Variants in PPP2R3A observed in about 807,000 individuals in gnomAD.
PPP2R3A encodes the protein protein phosphatase 2 regulatory subunit B''alpha, also known as serine/threonine-protein phosphatase 2A regulatory subunit B'' subunit alpha.
Under a neutral mutation model 106.9 loss-of-function variants are expected in PPP2R3A, and 80 were observed. The ratio of observed to expected loss-of-function variants is 0.75; its 90% CI spans 0.62 to 0.90. The LOEUF (loss-of-function observed/expected upper bound fraction) is 0.90, where lower values mean the gene tolerates loss of function less well. Ranked by LOEUF, PPP2R3A falls within the 40% of genes least tolerant of loss-of-function variation. PPP2R3A has a pLI of 0.00. For missense variants in PPP2R3A, 1,386 were observed against 1,350.4 expected (o/e 1.03, Z -0.41); for synonymous variants, 483 against 468.3 (o/e 1.03, Z -0.41).
At position 136,030,501 on chromosome 3, in the gene PPP2R3A, C is replaced by T. The variant is rs572746331; in HGVS notation, c.2262+3403C>T. Among the ~76,000 whole-genome samples, 104 of 151,930 alleles carry T rather than the reference C, an allele frequency of 6.8e-4. No homozygotes were observed. The South Asian group carries it at 0.021, about 31-fold the overall frequency. ...TGTGAGATTTTGGTGCATCCGTCAC[C>T]CAGGCAGTATACACTGCACCCTATT... On this transcript the variant is annotated intron_variant, in intron 3 of 13. Transcript: ENST00000264977.
rs1399185002 is a variant in PPP2R3A at position 136,049,329 on chromosome 3, C to G, written c.2437C>G (p.Leu813Val). 1.2e-6 allele frequency: 2 copies of G among 1,613,338 alleles called. No homozygotes were observed. The highest frequency in any genetic ancestry group is 1.7e-6 in the Non-Finnish European group (2 of 1,179,610). Residue 813 changes from leucine to valine, a missense_variant, in exon 5 of 14, where the codon CTA (leucine) becomes GTA (valine). Coordinates refer to ENST00000264977, the MANE Select transcript of PPP2R3A (RefSeq NM_002718.5). Reference protein sequence around the residue: ...CLLAKPNCSSLEQEDFIPLLQ... With the variant: ...CLLAKPNCSSVEQEDFIPLLQ... Reference sequence around the variant, plus strand: ...TCTAGCAAAGCCCAACTGCAGCTCTCTAGAACAGGAGGATTTCATCCCTCT... The same window carrying G: ...TCTAGCAAAGCCCAACTGCAGCTCTGTAGAACAGGAGGATTTCATCCCTCT...
At chr3:136,026,761 G>T in intron 2 of PPP2R3A, 71 bp from the exon 3 acceptor site, 1 of 1,401,434 alleles carries the variant, frequency 7.1e-7, no homozygotes, top group South Asian at 1.4e-5. Flanking sequence ...TTCTTATATT[G>T]CTGGTGAGAA....
chr3:135,965,927 G>T, intron 1 of PPP2R3A, 78 bp downstream of exon 1: 1 of 153,568 alleles, frequency 6.5e-6, no homozygotes, highest in South Asian at 1.8e-4. Flanking sequence ...GCGAGGCTCG[G>T]GGCGGCGCGC....
In PPP2R3A at chr3:136,001,592, A is replaced by G; in HGVS notation, c.94A>G (p.Thr32Ala). ...RRFEQAIHYC[T>A]GTCHTFTHGI... ...TTTTGAACAAGCTATACATTATTGC[A>G]CTGGAACCTGCCACACCTTCACACA... Residue 32 changes from threonine to alanine, a missense_variant, in exon 2 of 14, where the codon ACT becomes GCT. Physicochemically the swap from Thr to Ala is moderately conservative, Grantham distance 58. Coordinates refer to ENST00000264977, the MANE Select transcript of PPP2R3A (RefSeq NM_002718.5). The G allele has an allele frequency of 6.2e-7, 1 of 1,614,176 alleles. No homozygotes were observed. The highest frequency in any genetic ancestry group is 8.5e-7 in the Non-Finnish European group (1 of 1,180,016).
rs186450272 is a variant in PPP2R3A, at chr3:136,146,770, A to G, written c.*1604A>G. ...AATCTAAACACACTGATAAATTATTAAGATTAAGATTATTTATGTGATAAA... is the reference window on the plus strand; with the variant it reads ...AATCTAAACACACTGATAAATTATTGAGATTAAGATTATTTATGTGATAAA... On this transcript the variant is annotated 3_prime_UTR_variant, in exon 14 of 14. Coordinates refer to ENST00000264977, the MANE Select transcript of PPP2R3A (RefSeq NM_002718.5). 35 of 151,810 alleles carry G rather than the reference A, an allele frequency of 2.3e-4. No homozygotes were observed. The highest frequency in any genetic ancestry group is 8.2e-4 in the African/African-American group (34 of 41,422). The allele number at this position is 151,810 out of a possible 1,614,324, so 9.4% of individuals were successfully genotyped here.
chr3:136,075,210 C>G (rs1226897906), intron 6 of PPP2R3A, among the ~76,000 whole-genome samples: 1 of 152,148 alleles, frequency 6.6e-6, no homozygotes, highest in East Asian at 1.9e-4. Context: ...ACTTATATAT[C>G]AAGTTGACTA....
intron 1 of PPP2R3A, among the ~76,000 whole-genome samples, chr3:135,976,688 G>A (rs1937430477): frequency 6.6e-6 from 1 of 152,084 alleles, no homozygotes; most frequent in Non-Finnish European, 1.5e-5. Flanking sequence ...TTAAATAGTA[G>A]TTTTTAATTT....
chr3:136,129,095 C>T (rs1938299057), intron 13 of PPP2R3A, among the ~76,000 whole-genome samples: 1 of 151,730 alleles, frequency 6.6e-6, no homozygotes, highest in South Asian at 2.1e-4. Context: ...ACCCTAACAT[C>T]ACAATTAAAA....
At chr3:136,039,784 C>G (rs1226536380) in intron 3 of PPP2R3A, among the ~76,000 whole-genome samples, 1 of 152,126 alleles carries the variant, frequency 6.6e-6, no homozygotes, top group Non-Finnish European at 1.5e-5. Context: ...TCCTTTTACT[C>G]TCATGAGAAA....
intron 1 of PPP2R3A, among the ~76,000 whole-genome samples, chr3:135,986,328 C>A (rs757986315): frequency 1.3e-5 from 2 of 152,118 alleles, no homozygotes; most frequent in African/African-American, 4.8e-5. Flanking sequence ...ACCATCATCT[C>A]TCCCTTGCAT....
chr3:135,970,069 G>A (rs1937201194), intron 1 of PPP2R3A, among the ~76,000 whole-genome samples: 1 of 152,210 alleles, frequency 6.6e-6, no homozygotes, highest in African/African-American at 2.4e-5. Flanking sequence ...AAATGCTAAT[G>A]CTGTGGTCCA....
chr3:136,136,827 C>G (rs1163462452), intron 13 of PPP2R3A, among the ~76,000 whole-genome samples: 1 of 152,186 alleles, frequency 6.6e-6, no homozygotes, highest in Non-Finnish European at 1.5e-5. Flanking sequence ...GCATCTGTAC[C>G]TCCTGATTTC....
At chr3:136,121,326 G>A (rs2108000854) in intron 13 of PPP2R3A, among the ~76,000 whole-genome samples, 1 of 152,214 alleles carries the variant, frequency 6.6e-6, no homozygotes, top group East Asian at 1.9e-4. Flanking sequence ...GCAAATTAAA[G>A]CAGGAACAGA....
chr3:135,983,764 C>T (rs942552477), intron 1 of PPP2R3A, among the ~76,000 whole-genome samples: 5 of 152,098 alleles, frequency 3.3e-5, no homozygotes, highest in African/African-American at 1.2e-4. Flanking sequence ...GATATGATGC[C>T]ATTTGTGAAC....
rs1392055838 is a variant in PPP2R3A, at chr3:136,147,459, TATAAGA to T, written c.*2296_*2301del. 1.3e-5 allele frequency: 2 copies of T among 152,768 alleles called. No individual in the cohort carries two copies. Among genetic ancestry groups the T allele is most frequent in the Admixed American group, 6.5e-5 (1 of 15,308 alleles). 9.5% of individuals were successfully genotyped at this position (152,768 alleles called of 1,614,324 possible). ...CCCACATTATCACATTTTCAGGAAT[TATAAGA>T]ATGTGTTTTATTGTACTCCTTCCTT... On this transcript the variant is annotated 3_prime_UTR_variant, in exon 14 of 14. Transcript: ENST00000264977.
At chr3:136,034,098 T>G (rs1330582148) in intron 3 of PPP2R3A, among the ~76,000 whole-genome samples, 3 of 150,960 alleles carry the variant, frequency 2.0e-5, no homozygotes, top group African/African-American at 7.3e-5. Context: ...TGCAGTGGCG[T>G]GATCTTGGCT....
In PPP2R3A at chr3:136,002,051, A is replaced by G; in HGVS notation, c.553A>G (p.Lys185Glu). 1 of 1,613,904 alleles carries G rather than the reference A, an allele frequency of 6.2e-7. No homozygotes were observed. Among genetic ancestry groups the G allele is most frequent in the Non-Finnish European group, 8.5e-7 (1 of 1,179,952 alleles). ...ACTGCGGAGTTCCTCAGTTGAGGAA[A>G]AACCTTTGTCTCATAGAAACTCACT... ...GLLRSSSVEE[K>E]PLSHRNSLDT... is the part of the protein sequence containing the mutation. Residue 185 changes from lysine to glutamate, a missense_variant, in exon 2 of 14, where the codon AAA becomes GAA. Transcript: ENST00000264977.
chr3:136,059,105 A>G (rs559620664), intron 5 of PPP2R3A, among the ~76,000 whole-genome samples: 1 of 152,340 alleles, frequency 6.6e-6, no homozygotes, highest in South Asian at 2.1e-4. Flanking sequence ...AAAGACACCA[A>G]GAGCAATTGT....
chr3:136,135,585 C>G (rs1333020977), intron 13 of PPP2R3A, among the ~76,000 whole-genome samples: 2 of 152,160 alleles, frequency 1.3e-5, no homozygotes, highest in African/African-American at 2.4e-5. Context: ...CCAGACAGAT[C>G]TGGTCCACTC....
Sources: gnomAD v4.1 joint callset for allele counts (sites outside exome capture counted in the v4.1 genomes callset) on GRCh38, gnomAD v4.1.1 for gene constraint, MANE v1.5 for transcripts, NCBI Gene and HGNC (gene_info 2026-07-23, HGNC 2026-07-21) for gene names.